The following MAST1 variants were observed in gnomAD, a reference collection of about 807,000 sequenced individuals.
MAST1 encodes microtubule associated serine/threonine kinase 1, also known as microtubule-associated serine/threonine-protein kinase 1.
In MAST1, 40 loss-of-function variants were observed where a neutral mutation model predicts 124.6. That is an observed-to-expected ratio of 0.32 (90% CI 0.25 to 0.42). MAST1 has a LOEUF of 0.42. MAST1 is among the 10% of genes least tolerant of loss of function. The pLI is 1.00. For missense variants in MAST1, 1,558 were observed against 2,181.9 expected (o/e 0.71, Z 5.70); for synonymous variants, 938 against 939.4 (o/e 1.00, Z 0.03).
chr19:12,846,106 G>C (rs759580569), intron 4 of MAST1, among the ~76,000 whole-genome samples: 21 of 152,114 alleles, frequency 1.4e-4, no homozygotes, highest in Admixed American at 2.0e-4. Flanking sequence ...GAAGGCAGAG[G>C]GGGGAAGATT....
At chr19:12,850,083 C>T (rs1448012063) in intron 7 of MAST1, among the ~76,000 whole-genome samples, 1 of 152,138 alleles carries the variant, frequency 6.6e-6, no homozygotes, top group Non-Finnish European at 1.5e-5. Flanking sequence ...CAGGTGTGAG[C>T]CACCATGCCT....
Position 12,866,589 on chromosome 19 carries a change from C to T in MAST1, c.2030-64C>T. 1.9e-6 allele frequency: 2 copies of T among 1,071,504 alleles called. No homozygotes were observed. The highest frequency in any genetic ancestry group is 1.9e-5 in the Admixed American group (1 of 52,088). The allele number at this position is 1,071,504 out of a possible 1,614,324, so 66.4% of individuals were successfully genotyped here. On this transcript the variant is annotated intron_variant, in intron 17 of 25. Coordinates refer to ENST00000251472, the MANE Select transcript of MAST1 (RefSeq NM_014975.3). This position sits in a 1 kb window ranked among gnomAD's most constrained non-coding sequence, Gnocchi z 5.2. ...CCCGTCTTGAACCAGGACTGGGCTC[C>T]TGTGGGGATGTGATATGAGGAGGAA...
intron 7 of MAST1, among the ~76,000 whole-genome samples, chr19:12,851,391 G>A (rs1232053284): frequency 6.6e-6 from 1 of 151,716 alleles, no homozygotes; most frequent in East Asian, 1.9e-4. Context: ...AGCCTCCCAG[G>A]TAGCTAGGAC....
Position 12,873,713 on chromosome 19 carries a change from A to C in MAST1, c.3556A>C (p.Lys1186Gln). The C allele has an allele frequency of 6.2e-7, 1 of 1,602,526 alleles. No homozygotes were observed. Among genetic ancestry groups the C allele is most frequent in the Non-Finnish European group, 8.5e-7 (1 of 1,179,114 alleles). The change falls in exon 26 of 26, where the codon AAG becomes CAG. Residue 1186 changes from lysine (K) to glutamine (Q), a missense_variant. Coordinates refer to ENST00000251472, the MANE Select transcript of MAST1 (RefSeq NM_014975.3). ...CAGCACGCTGCACGGACTGTCGCCA[A>C]AGCTCCATCGCCAGTACCGCTCTGC... ...RPSTLHGLSP[K>Q]LHRQYRSARC...
At position 12,858,707 on chromosome 19, in the gene MAST1, G is replaced by A. The variant is rs368115783; in HGVS notation, c.1334G>A (p.Arg445His). ...VGMFCSFETR[R>H]HLCMVMEYVE... ...ATGTTCTGCTCCTTTGAGACTCGGC[G>A]CCACCTCTGCATGGTCATGGAATAT... Residue 445 changes from arginine to histidine, a missense_variant, in exon 12 of 26, where the codon CGC becomes CAC. By Grantham distance (29) the Arg-to-His change is conservative (BLOSUM62 0). Around this residue, in one of 10 missense-constraint regions of MAST1, gnomAD observed 145 missense variants for 350.0 expected, o/e 0.41. Coordinates refer to ENST00000251472, the MANE Select transcript of MAST1 (RefSeq NM_014975.3). The A allele has an allele frequency of 1.9e-6, 3 of 1,614,056 alleles. No individual in the cohort carries two copies. Among genetic ancestry groups the A allele is most frequent in the African/African-American group, 2.7e-5 (2 of 74,940 alleles).
At chr19:12,872,510 C>T (rs915395799) in intron 24 of MAST1, among the ~76,000 whole-genome samples, 3 of 151,668 alleles carry the variant, frequency 2.0e-5, no homozygotes, top group African/African-American at 7.3e-5. Flanking sequence ...GAGGGAGGAG[C>T]CAAGCAGCAC....
chr19:12,843,589 G>A lies in MAST1; in HGVS notation c.309G>A (p.Thr103=), dbSNP rs1437088187. The change falls in exon 4 of 26, where the codon ACG becomes ACA. Residue 103 remains threonine, a synonymous_variant. Transcript: ENST00000251472. The surrounding 1 kb of genome is among the most constrained non-coding windows in gnomAD (Gnocchi z 4.9). ...SLPSSGYGTN[T]PSSTVSSSCS... is the part of the protein sequence containing the mutation. ...CTTCATCTGGCTATGGCACCAACACGCCCAGTTCCACCGTCTCGGTGAGTG... is the reference window on the plus strand; with the variant it reads ...CTTCATCTGGCTATGGCACCAACACACCCAGTTCCACCGTCTCGGTGAGTG... 6.2e-6 allele frequency: 10 copies of A among 1,613,312 alleles called. No individual in the cohort carries two copies. Among genetic ancestry groups the A allele is most frequent in the African/African-American group, 2.7e-5 (2 of 74,838 alleles).
Position 12,874,399 on chromosome 19 carries a change from G to C in MAST1, c.4242G>C (p.Pro1414=), listed in dbSNP as rs776016775. The stretch of plus-strand genomic sequence containing the variant: ...CTGTGGCCAAGGCGGCGCTGAGCCC[G>C]GTGCAGGAACACGAGACAGGCCGGC... ...ARAVAKAALS[P]VQEHETGRRS... Residue 1414 remains proline (P), a synonymous_variant, in exon 26 of 26, where the codon CCG becomes CCC. Coordinates refer to ENST00000251472, the MANE Select transcript of MAST1 (RefSeq NM_014975.3). The surrounding 1 kb of genome is among the most constrained non-coding windows in gnomAD (Gnocchi z 6.6). 1 of 1,598,624 alleles carries C rather than the reference G, an allele frequency of 6.3e-7. No homozygotes were observed. Among genetic ancestry groups the C allele is most frequent in the African/African-American group, 1.3e-5 (1 of 74,862 alleles).
intron 25 of MAST1, 43 bp from the exon 26 acceptor site, chr19:12,873,566 T>G (rs759332168): frequency 6.3e-7 from 1 of 1,580,442 alleles, no homozygotes; most frequent in African/African-American, 1.3e-5. Context: ...GCCTGGCTGG[T>G]GCTTGGGCTG....
intron 4 of MAST1, among the ~76,000 whole-genome samples, chr19:12,845,467 C>T: frequency 6.7e-6 from 1 of 149,452 alleles, no homozygotes; most frequent in Non-Finnish European, 1.5e-5. Context: ...GCCTGAAGTC[C>T]CAGCTACTCA....
In MAST1 at chr19:12,843,475, A is replaced by T; in HGVS notation, c.249-54A>T. 7.0e-7 allele frequency: 1 copy of T among 1,418,622 alleles called. No individual in the cohort carries two copies. The highest frequency in any genetic ancestry group is 1.2e-5 in the South Asian group (1 of 86,200). 87.9% of individuals were successfully genotyped at this position (1,418,622 alleles called of 1,614,324 possible). ...CAGTGGCTTCACCCACACCCTGAGG[A>T]GTTGGGGGACCGCTGGGGCCTTGTG... On this transcript the variant is annotated intron_variant, in intron 3 of 25. Transcript: ENST00000251472. The surrounding 1 kb of genome is among the most constrained non-coding windows in gnomAD (Gnocchi z 4.9).
chr19:12,865,668 A>G lies in MAST1; in HGVS notation c.1805-49A>G, dbSNP rs1468332412. The stretch of plus-strand genomic sequence containing the variant: ...GTGACACAGTGAGATCCTGTGTCCA[A>G]ACAACAACAACAACAAAAACCGCCC... On this transcript the variant is annotated intron_variant, in intron 15 of 25. Coordinates refer to ENST00000251472, the MANE Select transcript of MAST1 (RefSeq NM_014975.3). This position sits in a 1 kb window ranked among gnomAD's most constrained non-coding sequence, Gnocchi z 7.1. The G allele has an allele frequency of 2.8e-6, 2 of 703,470 alleles. No individual in the cohort carries two copies. Among genetic ancestry groups the G allele is most frequent in the Non-Finnish European group, 3.6e-6 (2 of 550,058 alleles). 43.6% of individuals were successfully genotyped at this position (703,470 alleles called of 1,614,324 possible). A position where few individuals can be genotyped will look rare whatever the true frequency, so the allele number is the denominator to read the frequency against.
Position 12,866,625 on chromosome 19 carries a change from T to G in MAST1, c.2030-28T>G, listed in dbSNP as rs1970157807. Reference sequence around the variant, plus strand: ...TGATATGAGGAGGAACCCCGTACCCTCAGTCACAGCCCATACCCGCTCCCC... The same window carrying G: ...TGATATGAGGAGGAACCCCGTACCCGCAGTCACAGCCCATACCCGCTCCCC... On this transcript the variant is annotated intron_variant, in intron 17 of 25. Transcript: ENST00000251472. The surrounding 1 kb of genome is among the most constrained non-coding windows in gnomAD (Gnocchi z 5.2). The G allele has an allele frequency of 2.7e-6, 4 of 1,485,470 alleles. No individual in the cohort carries two copies. The highest frequency in any genetic ancestry group is 3.7e-6 in the Non-Finnish European group (4 of 1,067,524). 92.0% of individuals were successfully genotyped at this position (1,485,470 alleles called of 1,614,324 possible).
rs867471286 is a variant in MAST1 at position 12,874,368 on chromosome 19, C to T, written c.4211C>T (p.Ala1404Val). 1 of 1,597,704 alleles carries T rather than the reference C, an allele frequency of 6.3e-7. No individual in the cohort carries two copies. Among genetic ancestry groups the T allele is most frequent in the South Asian group, 1.1e-5 (1 of 90,938 alleles). The change falls in exon 26 of 26, where the codon GCC becomes GTC. Residue 1404 changes from alanine to valine, a missense_variant. Around this residue, in one of 10 missense-constraint regions of MAST1, gnomAD observed 263 missense variants for 310.9 expected, o/e 0.85. Transcript: ENST00000251472. The surrounding 1 kb of genome is among the most constrained non-coding windows in gnomAD (Gnocchi z 6.6). ...ACGGAGGATGGCACTGGCGGGATGG[C>T]CAGGGCTGTGGCCAAGGCGGCGCTG... The part of the protein sequence containing the change: ...VQTEDGTGGM[A>V]RAVAKAALSP...
intron 12 of MAST1, among the ~76,000 whole-genome samples, chr19:12,860,474 C>A (rs551275425): frequency 1.6e-5 from 2 of 124,304 alleles, no homozygotes; most frequent in Non-Finnish European, 3.2e-5. Flanking sequence ...GAGACAGAGT[C>A]TTGCTCTGTC....
chr19:12,855,135 G>A (rs1162486346), intron 10 of MAST1, among the ~76,000 whole-genome samples: 1 of 152,144 alleles, frequency 6.6e-6, no homozygotes, highest in African/African-American at 2.4e-5. Flanking sequence ...TTGGGAGGCT[G>A]AGGCAGGAGA....
chr19:12,866,741 C>T lies in MAST1; in HGVS notation c.2118C>T (p.Ser706=). Reference sequence around the variant, plus strand: ...CCGTGGAAATCCGCCAGTTCTCTTCCTGCTCTCCGCGCTTCAGCAAGGTGG... The same window carrying T: ...CCGTGGAAATCCGCCAGTTCTCTTCTTGCTCTCCGCGCTTCAGCAAGGTGG... ...EEPVEIRQFS[S]CSPRFSKVYS... Residue 706 remains serine, a synonymous_variant, in exon 18 of 26, where the codon TCC becomes TCT. Coordinates refer to ENST00000251472, the MANE Select transcript of MAST1 (RefSeq NM_014975.3). The surrounding 1 kb of genome is among the most constrained non-coding windows in gnomAD (Gnocchi z 5.2). 4 of 1,613,724 alleles carry T rather than the reference C, an allele frequency of 2.5e-6. No homozygotes were observed. Among genetic ancestry groups the T allele is most frequent in the Non-Finnish European group, 2.5e-6 (3 of 1,179,858 alleles).
intron 12 of MAST1, among the ~76,000 whole-genome samples, chr19:12,859,825 G>T (rs1413214373): frequency 9.3e-6 from 1 of 107,628 alleles, no homozygotes; most frequent in Non-Finnish European, 1.9e-5. Flanking sequence ...ACCCTGTCCC[G>T]CAAAAAAAAA....
chr19:12,865,866 G>A lies in MAST1; in HGVS notation c.1906+48G>A, dbSNP rs752383747. On this transcript the variant is annotated intron_variant, in intron 16 of 25. Transcript: ENST00000251472. The surrounding 1 kb of genome is among the most constrained non-coding windows in gnomAD (Gnocchi z 7.1). ...CTGAGGGCCCACTGATAGAGAGCAG[G>A]CCTCCAAAACCCCAGGCCCAGCCTG... The A allele has an allele frequency of 1.0e-5, 16 of 1,603,324 alleles. No individual in the cohort carries two copies. The highest frequency in any genetic ancestry group is 1.7e-5 in the Admixed American group (1 of 59,370).
Sources: gnomAD v4.1 joint callset for allele counts (sites outside exome capture counted in the v4.1 genomes callset) on GRCh38, gnomAD v4.1.1 for gene constraint, gnomAD v4.1.1 regional missense constraint, Gnocchi (gnomAD v3.1) non-coding constraint, MANE v1.5 for transcripts, NCBI Gene and HGNC (gene_info 2026-07-23, HGNC 2026-07-21) for gene names.